ZNF599: variants seen among roughly 807,000 people sequenced by gnomAD.
The protein encoded by ZNF599 is zinc finger protein 599.
In ZNF599, 10 loss-of-function variants were observed where a neutral mutation model predicts 11.7. That is an observed-to-expected ratio of 0.86 (90% CI 0.53 to 1.45). ZNF599 has a LOEUF of 1.45. Among genes scored for constraint, ZNF599 ranks in the 40% most tolerant of loss-of-function variants. The probability of loss-of-function intolerance (pLI) is 0.00; values close to 1 mark genes in which losing one functional copy is unlikely to be tolerated. For missense variants in ZNF599, 688 were observed against 713.6 expected (o/e 0.96, Z 0.41); for synonymous variants, 232 against 253.2 (o/e 0.92, Z 0.79).
the ZNF599 span, among the ~76,000 whole-genome samples, chr19:34,792,101 G>A: frequency 6.6e-6 from 1 of 152,182 alleles, no homozygotes; most frequent in African/African-American, 2.4e-5. Flanking sequence ...AGAGTCTATA[G>A]AGGGTTGTGA....
intron 2 of ZNF599, among the ~76,000 whole-genome samples, chr19:34,768,396 C>A (rs1003353730): frequency 2.0e-5 from 3 of 152,194 alleles, no homozygotes; most frequent in Admixed American, 2.0e-4. Flanking sequence ...AATGACTCAT[C>A]CCTCGTGAGG....
the ZNF599 span, among the ~76,000 whole-genome samples, chr19:34,781,850 G>A: frequency 2.6e-5 from 4 of 152,210 alleles, no homozygotes; most frequent in Non-Finnish European, 5.9e-5. Context: ...CCCATGAATT[G>A]TAGGCTAATG....
At position 34,759,710 on chromosome 19, in the gene ZNF599, T is replaced by C. The variant is rs2069096955; in HGVS notation, c.1091A>G (p.Glu364Gly). The change falls in exon 4 of 4, where the codon GAA becomes GGA. Residue 364 changes from glutamate (E) to glycine (G), a missense_variant. Coordinates refer to ENST00000329285, the MANE Select transcript of ZNF599 (RefSeq NM_001007248.3). The stretch of plus-strand genomic sequence containing the variant: ...ACATTCTTTACATAAAAATGGTTTT[T>C]CTCCTGTGTGGGTCACATTGTGCTG... ...FIQHNVTHTG[E>G]KPFLCKECGK... The C allele has an allele frequency of 7.4e-6, 12 of 1,614,192 alleles. No individual in the cohort carries two copies. The highest frequency in any genetic ancestry group is 2.2e-5 in the East Asian group (1 of 44,880).
the ZNF599 span, among the ~76,000 whole-genome samples, chr19:34,779,243 CTTTTTTTTTTTTT>C: frequency 5.2e-5 from 3 of 57,310 alleles, no homozygotes; most frequent in Admixed American, 2.5e-4. Flanking sequence ...CCATGCCCAG[CTTTTTTTTTTTTT>C]TTTTTTTTTT....
the ZNF599 span, among the ~76,000 whole-genome samples, chr19:34,783,846 C>T: frequency 5.3e-5 from 8 of 152,118 alleles, no homozygotes; most frequent in Non-Finnish European, 7.4e-5. Context: ...CTTCAGACTG[C>T]ACCTGCCTCG....
intron 3 of ZNF599, chr19:34,767,091 G>A (rs1434201195): frequency 1.6e-5 from 8 of 490,406 alleles, no homozygotes; most frequent in Non-Finnish European, 2.9e-5. Flanking sequence ...AGGCTAGTGA[G>A]TGGCAAATCA....
chr19:34,784,480 C>A, the ZNF599 span, among the ~76,000 whole-genome samples: 2 of 152,312 alleles, frequency 1.3e-5, no homozygotes, highest in African/African-American at 4.8e-5. Context: ...CCTTTGATGG[C>A]TCCCACTGGC....
chr19:34,803,574 C>T, the ZNF599 span, among the ~76,000 whole-genome samples: 1 of 152,156 alleles, frequency 6.6e-6, no homozygotes, highest in South Asian at 2.1e-4. Context: ...ATTCATACTC[C>T]TTCCAAGATC....
At chr19:34,797,929 C>T in the ZNF599 span, among the ~76,000 whole-genome samples, 6 of 152,264 alleles carry the variant, frequency 3.9e-5, no homozygotes, top group African/African-American at 7.2e-5. Context: ...CTATCTTATC[C>T]GTATGAACAG....
intron 2 of ZNF599, 39 bp downstream of exon 2, chr19:34,769,390 G>A (rs1251466286): frequency 1.9e-6 from 3 of 1,613,754 alleles, no homozygotes; most frequent in Non-Finnish European, 2.5e-6. Context: ...ATTCAAAGAG[G>A]CTGTGGGTCC....
the ZNF599 span, among the ~76,000 whole-genome samples, chr19:34,786,424 C>G: frequency 1.2e-4 from 18 of 152,238 alleles, 1 homozygote; most frequent in South Asian, 3.7e-3. Flanking sequence ...CCCGCTGAAT[C>G]AAGTCTGCCT....
chr19:34,759,197 A>C lies in ZNF599; in HGVS notation c.1604T>G (p.Phe535Cys). ...HNRIHTGEKP[F>C]ECKECEKAFC... ...GGCTTTCTCACATTCTTTGCATTCA[A>C]AAGGTTTTTCTCCAGTGTGGATCCT... Residue 535 changes from phenylalanine to cysteine, a missense_variant, in exon 4 of 4, where the codon TTT becomes TGT. Physicochemically the swap from Phe to Cys is radical, Grantham distance 205. Coordinates refer to ENST00000329285, the MANE Select transcript of ZNF599 (RefSeq NM_001007248.3). 6.2e-7 allele frequency: 1 copy of C among 1,614,150 alleles called. No homozygotes were observed. Among genetic ancestry groups the C allele is most frequent in the Non-Finnish European group, 8.5e-7 (1 of 1,180,018 alleles).
At chr19:34,764,874 CTTA>C (rs776497257) in intron 3 of ZNF599, 10 of 151,954 alleles carry the variant, frequency 6.6e-5, no homozygotes, top group African/African-American at 1.9e-4. Context: ...GATTTGTACA[CTTA>C]TTATGTATAA....
At chr19:34,772,263 G>A in intron 1 of ZNF599, 4 of 931,534 alleles carry the variant, frequency 4.3e-6, no homozygotes, top group Non-Finnish European at 3.8e-6. Flanking sequence ...ATAAACAGAC[G>A]GCATCTGCAA....
chr19:34,772,918 G>C lies in ZNF599; in HGVS notation c.-77C>G. On this transcript the variant is annotated 5_prime_UTR_variant, in exon 1 of 4. Transcript: ENST00000329285. ...GCGGGCTCGGCCGACCCCGGGCTCCGGCTCTGGGCTGCGAGGGACCTCAGT... is the reference window on the plus strand; with the variant it reads ...GCGGGCTCGGCCGACCCCGGGCTCCCGCTCTGGGCTGCGAGGGACCTCAGT... The C allele has an allele frequency of 7.2e-7, 1 of 1,382,764 alleles. No homozygotes were observed. The highest frequency in any genetic ancestry group is 9.3e-7 in the Non-Finnish European group (1 of 1,070,406). 85.7% of individuals were successfully genotyped at this position (1,382,764 alleles called of 1,614,324 possible). A position where few individuals can be genotyped will look rare whatever the true frequency, so the allele number is the denominator to read the frequency against.
intron 2 of ZNF599, 34 bp downstream of exon 2, chr19:34,769,395 G>C (rs754127241): frequency 6.8e-6 from 11 of 1,613,898 alleles, no homozygotes; most frequent in Non-Finnish European, 9.3e-6. Context: ...AAGAGGCTGT[G>C]GGTCCCCTAC....
chr19:34,769,393 G>A, intron 2 of ZNF599, 36 bp downstream of exon 2: 1 of 1,613,926 alleles, frequency 6.2e-7, no homozygotes, highest in African/African-American at 1.3e-5. Flanking sequence ...CAAAGAGGCT[G>A]TGGGTCCCCT....
At chr19:34,772,673 C>T in intron 1 of ZNF599, 151 bp downstream of exon 1, 2 of 1,467,932 alleles carry the variant, frequency 1.4e-6, no homozygotes, top group East Asian at 2.8e-5. Flanking sequence ...GTGATTAGCC[C>T]TGCCCTCTCA....
chr19:34,759,739 A>T lies in ZNF599; in HGVS notation c.1062T>A (p.Phe354Leu). Reference sequence around the variant, plus strand: ...CTGTGTGGGTCACATTGTGCTGGATAAATGTGGAGCGGTGCGTGAAGGCCT... The same window carrying T: ...CTGTGTGGGTCACATTGTGCTGGATTAATGTGGAGCGGTGCGTGAAGGCCT... ...CGKAFTHRST[F>L]IQHNVTHTGE... The change falls in exon 4 of 4, where the codon TTT becomes TTA. Residue 354 changes from phenylalanine to leucine, a missense_variant. Coordinates refer to ENST00000329285, the MANE Select transcript of ZNF599 (RefSeq NM_001007248.3). 1 of 1,613,828 alleles carries T rather than the reference A, an allele frequency of 6.2e-7. No homozygotes were observed. The highest frequency in any genetic ancestry group is 8.5e-7 in the Non-Finnish European group (1 of 1,179,970).
Sources: allele counts gnomAD v4.1 joint callset (sites outside exome capture counted in the v4.1 genomes callset), GRCh38; gene constraint gnomAD v4.1.1; transcripts MANE v1.5; gene names NCBI Gene and HGNC (gene_info 2026-07-23, HGNC 2026-07-21).